KCTD2: variants seen among roughly 807,000 people sequenced by gnomAD.
KCTD2 encodes potassium channel tetramerization domain containing 2.
KCTD2 carries 18 observed loss-of-function variants against 27.9 expected under a neutral mutation model. The observed-to-expected ratio is 0.64, with a 90% CI of 0.45 to 0.96. The LOEUF (loss-of-function observed/expected upper bound fraction) is 0.96. KCTD2 is among the 40% of genes least tolerant of loss of function. The pLI is 0.00. For missense variants in KCTD2, 280 were observed against 348.0 expected, an observed-to-expected ratio of 0.80 and a Z score of 1.56; for synonymous variants, 175 against 148.4, an observed-to-expected ratio of 1.18 and a Z score of -1.30.
chr17:75,036,390 T>C (rs918220266), intron 3 of KCTD2, among the ~76,000 whole-genome samples: 1 of 151,720 alleles, frequency 6.6e-6, no homozygotes, highest in Non-Finnish European at 1.5e-5. Context: ...CGAAGTGTTG[T>C]GATTACAGGC....
intron 5 of KCTD2, among the ~76,000 whole-genome samples, chr17:75,062,699 A>ACACACACAC (rs1555642380): frequency 6.9e-5 from 8 of 115,990 alleles, no homozygotes; most frequent in Admixed American, 1.8e-4. Context: ...CCTCACCCCC[A>ACACACACAC]ACACACACAC....
intron 4 of KCTD2, among the ~76,000 whole-genome samples, chr17:75,060,006 C>A (rs747320911): frequency 1.3e-5 from 2 of 152,114 alleles, no homozygotes; most frequent in Admixed American, 6.6e-5. Flanking sequence ...TTATGTAATC[C>A]ACCGTGAAGA....
At position 75,060,705 on chromosome 17, in the gene KCTD2, C is replaced by T. The variant is rs116972075; in HGVS notation, c.636+1100C>T. ...AGGCTGCACTCAGGGTCTCGGTCGC[C>T]GCCACTCGCCACCCTGGGATCAACC... On this transcript the variant is annotated intron_variant, in intron 4 of 5. Coordinates refer to ENST00000322444, the MANE Select transcript of KCTD2 (RefSeq NM_015353.3). 1,113 of 1,014,240 alleles carry T rather than the reference C, an allele frequency of 1.1e-3. 14 individuals are homozygous for T. The East Asian group carries it at 0.022, about 20-fold the overall frequency. 62.8% of individuals were successfully genotyped at this position (1,014,240 alleles called of 1,614,324 possible).
chr17:75,044,696 G>A (rs565067096), upstream of KCTD2, among the ~76,000 whole-genome samples: 61 of 152,156 alleles, frequency 4.0e-4, no homozygotes, highest in Admixed American at 9.2e-4. Context: ...TACAGAAAAC[G>A]ACTACAGCCA....
At chr17:75,036,672 T>C (rs375036346) in intron 3 of KCTD2, among the ~76,000 whole-genome samples, 2 of 152,236 alleles carry the variant, frequency 1.3e-5, no homozygotes, top group African/African-American at 4.8e-5. Context: ...GCGCGAGCTC[T>C]AACTATGCTC....
chr17:75,049,337 A>C lies in KCTD2; in HGVS notation c.448+9A>C. The C allele has an allele frequency of 6.6e-7, 1 of 1,506,324 alleles. No homozygotes were observed. The highest frequency in any genetic ancestry group is 9.2e-7 in the Non-Finnish European group (1 of 1,086,730). 93.3% of individuals were successfully genotyped at this position (1,506,324 alleles called of 1,614,324 possible). ...GGAGTTGGCAGAAGAAGGTAAGCGC[A>C]CTGTTTGCATTGGGGATTTTCAAAA... On this transcript the variant is annotated intron_variant, in intron 2 of 5. Transcript: ENST00000322444.
intron 3 of KCTD2, chr17:75,039,463 A>G (rs958044994): frequency 2.5e-5 from 14 of 569,804 alleles, no homozygotes; most frequent in Non-Finnish European, 4.1e-5. Context: ...AGAAGCCCAT[A>G]TGGAAAACCA....
At chr17:75,047,032 C>A (rs1242423765), upstream of KCTD2, 2 of 245,664 alleles carry the variant, frequency 8.1e-6, no homozygotes, top group Non-Finnish European at 1.6e-5. Flanking sequence ...GGCCTTGCTT[C>A]GCAGATCAGC....
intron 2 of KCTD2, among the ~76,000 whole-genome samples, chr17:75,034,411 G>T (rs536354228): frequency 2.6e-5 from 4 of 152,152 alleles, no homozygotes; most frequent in East Asian, 1.9e-4. Context: ...AAGAAACCTT[G>T]CGAGCACAGC....
rs181237141 is a variant in KCTD2 at position 75,035,210 on chromosome 17, A to G, written c.-384-22A>G. ...GGAACGTTTTAATCCCTGCAACTAT[A>G]ATCTTCCCTCCCTTGTTTTAGACCC... On this transcript the variant is annotated intron_variant, in intron 2 of 7. Coordinates refer to the KCTD2 transcript ENST00000581589. 4 of 151,942 alleles carry G rather than the reference A, an allele frequency of 2.6e-5. No individual in the cohort carries two copies. The East Asian group carries it at 5.9e-4, about 22-fold the overall frequency. 9.4% of individuals were successfully genotyped at this position (151,942 alleles called of 1,614,324 possible). A position where few individuals can be genotyped will look rare whatever the true frequency, so the allele number is the denominator to read the frequency against.
intron 3 of KCTD2, among the ~76,000 whole-genome samples, chr17:75,055,560 G>A (rs896318467): frequency 2.4e-4 from 36 of 151,068 alleles, no homozygotes; most frequent in African/African-American, 8.0e-4. Context: ...CTGGCCGGGC[G>A]TGGTGGCTCA....
At chr17:75,057,939 A>AT (rs1241871774) in intron 3 of KCTD2, among the ~76,000 whole-genome samples, 1 of 151,892 alleles carries the variant, frequency 6.6e-6, no homozygotes, top group African/African-American at 2.4e-5. Context: ...TCATGCCTGT[A>AT]ATCCCAGCAC....
chr17:75,033,945 C>T (rs1203003959), intron 1 of KCTD2: 2 of 152,276 alleles, frequency 1.3e-5, no homozygotes, highest in Non-Finnish European at 2.9e-5. Flanking sequence ...GCCTCCTAAG[C>T]CAGGGATTGT....
At chr17:75,036,757 G>C (rs8077242) in intron 3 of KCTD2, among the ~76,000 whole-genome samples, 6 of 152,230 alleles carry the variant, frequency 3.9e-5, no homozygotes, top group African/African-American at 1.4e-4. Context: ...TCCTCAGCGG[G>C]ATGGCTGAGT....
intron 2 of KCTD2, among the ~76,000 whole-genome samples, chr17:75,034,513 C>T (rs901377928): frequency 5.3e-5 from 8 of 152,162 alleles, no homozygotes; most frequent in Non-Finnish European, 1.0e-4. Flanking sequence ...CGCGGTAAGA[C>T]GCTAAACCCA....
In KCTD2 at chr17:75,039,564, G is replaced by A. The variant is rs113542780; in HGVS notation, c.-259+4207G>A. ...TTTCACAGGGCTCAGCCACTGAATG[G>A]TCAGGACACGCCACCTGAGCACCTA... On this transcript the variant is annotated intron_variant, in intron 3 of 7. Transcript: ENST00000581589. 2,067 of 402,424 alleles carry A rather than the reference G, an allele frequency of 5.1e-3. 37 individuals are homozygous for A. The highest frequency in any genetic ancestry group is 0.039 in the African/African-American group (1,922 of 49,878). The allele number at this position is 402,424 out of a possible 1,614,324, so 24.9% of individuals were successfully genotyped here.
intron 2 of KCTD2, among the ~76,000 whole-genome samples, chr17:75,050,722 G>A (rs1327355526): frequency 6.6e-6 from 1 of 151,990 alleles, no homozygotes; most frequent in Non-Finnish European, 1.5e-5. Flanking sequence ...ACTTTATTTT[G>A]AAGTAATTTA....
upstream of KCTD2, among the ~76,000 whole-genome samples, chr17:75,043,039 T>C (rs2073176640): frequency 6.7e-6 from 1 of 149,754 alleles, no homozygotes; most frequent in South Asian, 2.1e-4. Flanking sequence ...ATGGCCAACA[T>C]GGCAAAACCC....
intron 2 of KCTD2, among the ~76,000 whole-genome samples, 165 bp from the exon 3 acceptor site, chr17:75,052,847 TCG>T (rs1163492433): frequency 1.3e-4 from 20 of 152,096 alleles, no homozygotes; most frequent in African/African-American, 4.8e-4. Context: ...TGAGCCAAGA[TCG>T]CACCACTGAA....
Sources: allele counts gnomAD v4.1 joint callset (sites outside exome capture counted in the v4.1 genomes callset), GRCh38; gene constraint gnomAD v4.1.1; transcripts MANE v1.5; gene names NCBI Gene and HGNC (gene_info 2026-07-23, HGNC 2026-07-21).